The following BCAR3 variants were observed in gnomAD, a reference collection of about 807,000 sequenced individuals.
The protein encoded by BCAR3 is breast cancer anti-estrogen resistance protein 3.
A neutral mutation model predicts 80.1 loss-of-function variants in BCAR3; 37 were observed. That is an observed-to-expected ratio of 0.46 (90% confidence interval 0.36 to 0.61). The LOEUF (loss-of-function observed/expected upper bound fraction) is 0.61, where lower values mean the gene tolerates loss of function less well. Ranked by LOEUF, BCAR3 falls within the 20% of genes least tolerant of loss-of-function variation. The pLI is 0.00. For synonymous variants in BCAR3, 389 were observed against 418.9 expected (o/e 0.93, Z 0.87); for missense variants, 978 against 1,068.2 (o/e 0.92, Z 1.18).
chr1:93,839,551 C>A (rs558983932), intron 2 of BCAR3, among the ~76,000 whole-genome samples: 1 of 152,302 alleles, frequency 6.6e-6, no homozygotes, highest in African/African-American at 2.4e-5. Flanking sequence ...GGGCCTGATC[C>A]TTCTGACTCA....
At chr1:93,822,921 C>T (rs1654280006) in intron 2 of BCAR3, among the ~76,000 whole-genome samples, 1 of 93,948 alleles carries the variant, frequency 1.1e-5, no homozygotes, top group Admixed American at 1.2e-4. Flanking sequence ...CAGAGGCAAC[C>T]ATGGAAATCC....
At chr1:93,562,461 T>C (rs762208339) in intron 11 of BCAR3, 42 bp from the exon 12 acceptor site, 9 of 1,587,184 alleles carry the variant, frequency 5.7e-6, no homozygotes, top group Non-Finnish European at 7.7e-6. Context: ...CAGTTCTGCC[T>C]AAGATGTGTT....
At chr1:93,594,821 T>G (rs1674356950) in intron 3 of BCAR3, 1 of 152,230 alleles carries the variant, frequency 6.6e-6, no homozygotes, top group South Asian at 2.1e-4. Flanking sequence ...TCCAAGAAGC[T>G]ATTTCCACAG....
At chr1:93,567,590 G>A in intron 10 of BCAR3, 99 bp from the exon 11 acceptor site, 1 of 1,450,178 alleles carries the variant, frequency 6.9e-7, no homozygotes, top group Non-Finnish European at 9.5e-7. Flanking sequence ...AGCAACTGCA[G>A]CCTTCTACAA....
At position 93,586,035 on chromosome 1, in the gene BCAR3, G is replaced by C. The variant is rs921650546; in HGVS notation, c.930-1914C>G. The stretch of plus-strand genomic sequence containing the variant: ...GAGAATGGGGTATCCATGCCCTCTA[G>C]CATTTATCCTTTGAGTTACAAACAG... On this transcript the variant is annotated intron_variant, in intron 5 of 11. Transcript: ENST00000260502. The surrounding 1 kb of genome is among the most constrained non-coding windows in gnomAD (Gnocchi z 4.2). 1.3e-5 allele frequency among the ~76,000 whole-genome samples: 2 copies of C among 152,146 alleles called. No individual in the cohort carries two copies. The highest frequency in any genetic ancestry group is 4.8e-5 in the African/African-American group (2 of 41,414).
intron 2 of BCAR3, among the ~76,000 whole-genome samples, chr1:93,741,611 C>T (rs1469227282): frequency 6.6e-6 from 1 of 152,174 alleles, no homozygotes; most frequent in African/African-American, 2.4e-5. Context: ...ACTCTTGTCG[C>T]CCAGGCTGGA....
intron 2 of BCAR3, among the ~76,000 whole-genome samples, chr1:93,770,345 G>A (rs1652315456): frequency 1.3e-5 from 2 of 152,162 alleles, no homozygotes; most frequent in Admixed American, 1.3e-4. Flanking sequence ...AGACAGTGAA[G>A]AGAGTGCCTC....
chr1:93,766,621 C>G (rs1652161084), intron 2 of BCAR3, among the ~76,000 whole-genome samples: 1 of 152,254 alleles, frequency 6.6e-6, no homozygotes, highest in African/African-American at 2.4e-5. Flanking sequence ...GGCTGCCCGT[C>G]CACATTCCTG....
intron 2 of BCAR3, among the ~76,000 whole-genome samples, chr1:93,721,019 G>A (rs1213031056): frequency 6.6e-6 from 1 of 152,226 alleles, no homozygotes; most frequent in Non-Finnish European, 1.5e-5. Context: ...TTCTGGCTGA[G>A]GCGAGGCTGA....
Position 93,567,482 on chromosome 1 carries a change from CAT to C in BCAR3, c.2094_2095del (p.Val700SerfsTer25), listed in dbSNP as rs1053052186. On this transcript the variant is annotated frameshift_variant, in exon 11 of 12. Transcript: ENST00000260502. LOFTEE classifies it high-confidence loss of function. ...GACTGATACATTGTTTGGGGGAACA[CAT>C]GTGGACTCTGAAGAATAAGGAGTAG... is the stretch of plus-strand genomic sequence containing the variant. 6 of 1,614,180 alleles carry C rather than the reference CAT, an allele frequency of 3.7e-6. No homozygotes were observed. Among genetic ancestry groups the C allele is most frequent in the Middle Eastern group, 1.6e-4 (1 of 6,062 alleles).
chr1:93,679,123 C>T (rs937449777), intron 1 of BCAR3, among the ~76,000 whole-genome samples: 4 of 152,312 alleles, frequency 2.6e-5, no homozygotes, highest in Admixed American at 6.5e-5. Flanking sequence ...CTCAACCTGA[C>T]GGTTTCTCAT....
chr1:93,643,545 C>CAAAAAA (rs547667389), intron 2 of BCAR3, among the ~76,000 whole-genome samples: 6 of 22,298 alleles, frequency 2.7e-4, no homozygotes, highest in African/African-American at 5.1e-4. Context: ...GACTCTTTCT[C>CAAAAAA]AAAAAAAAAA....
intron 2 of BCAR3, among the ~76,000 whole-genome samples, chr1:93,727,388 G>A (rs888760919): frequency 7.2e-5 from 11 of 152,174 alleles, no homozygotes; most frequent in Non-Finnish European, 4.4e-5. Flanking sequence ...CTTTACCCAG[G>A]TTTAGTTTCA....
chr1:93,590,526 T>C (rs183871488), intron 4 of BCAR3: 1 of 152,226 alleles, frequency 6.6e-6, no homozygotes, highest in Non-Finnish European at 1.5e-5. Context: ...TTAATACTCA[T>C]GCAAGTAGTA....
At chr1:93,810,189 T>A (rs1207931272) in intron 2 of BCAR3, among the ~76,000 whole-genome samples, 3 of 103,492 alleles carry the variant, frequency 2.9e-5, no homozygotes, top group African/African-American at 2.0e-4. Flanking sequence ...CAAGACTCCA[T>A]CTCAAAAAAA....
At chr1:93,618,748 C>G (rs1675214153) in intron 3 of BCAR3, among the ~76,000 whole-genome samples, 1 of 152,184 alleles carries the variant, frequency 6.6e-6, no homozygotes, top group Non-Finnish European at 1.5e-5. Flanking sequence ...TCTCAAATGG[C>G]AGACTCACTA....
intron 2 of BCAR3, among the ~76,000 whole-genome samples, chr1:93,787,382 G>T (rs559822484): frequency 1.3e-5 from 2 of 152,274 alleles, no homozygotes; most frequent in Non-Finnish European, 2.9e-5. Flanking sequence ...TGTTTCTCTA[G>T]TTCCTTAAGG....
chr1:93,576,153 A>G, intron 7 of BCAR3, 24 bp from the exon 8 acceptor site: 1 of 1,583,266 alleles, frequency 6.3e-7, no homozygotes, highest in Non-Finnish European at 8.7e-7. Flanking sequence ...AAGTTGAAAT[A>G]CACTGGATCA....
chr1:93,592,437 A>T lies in BCAR3; in HGVS notation c.358-44T>A, dbSNP rs772293005. 6.5e-6 allele frequency: 10 copies of T among 1,539,456 alleles called. No individual in the cohort carries two copies. The South Asian group carries it at 7.3e-5, about 11-fold the overall frequency. ...CATGAGCTCACCCTGCCCAGGCCAC[A>T]CCAGGCCATGCCAGCTGGAGGTGAC... On this transcript the variant is annotated intron_variant, in intron 3 of 11. Coordinates refer to ENST00000260502, the MANE Select transcript of BCAR3 (RefSeq NM_003567.4). This position sits in a 1 kb window ranked among gnomAD's most constrained non-coding sequence, Gnocchi z 4.8.
Sources: allele counts gnomAD v4.1 joint callset (sites outside exome capture counted in the v4.1 genomes callset), GRCh38; gene constraint gnomAD v4.1.1; non-coding constraint Gnocchi (gnomAD v3.1); transcripts MANE v1.5; gene names NCBI Gene and HGNC (gene_info 2026-07-23, HGNC 2026-07-21).